The following DNAH3 variants were observed in gnomAD, a reference collection of about 807,000 sequenced individuals.
The protein encoded by DNAH3 is dynein axonemal heavy chain 3, also known as axonemal beta dynein heavy chain 3.
In DNAH3, 332 loss-of-function variants were observed where a neutral mutation model predicts 432.5. The observed-to-expected ratio is 0.77, with a 90% CI of 0.70 to 0.84. The LOEUF (loss-of-function observed/expected upper bound fraction) is 0.84. DNAH3 is among the 40% of genes least tolerant of loss of function. The pLI is 0.00. For synonymous variants in DNAH3, 1,956 were observed against 1,900.2 expected, an observed-to-expected ratio of 1.03 and a Z score of -0.76; for missense variants, 4,861 against 5,114.0, an observed-to-expected ratio of 0.95 and a Z score of 1.51.
chr16:20,989,919 CG>C, intron 44 of DNAH3, among the ~76,000 whole-genome samples: 1 of 152,340 alleles, frequency 6.6e-6, no homozygotes, highest in Admixed American at 6.5e-5. Flanking sequence ...CCGGCAGGGC[CG>C]GCCGGCTGCT....
At chr16:21,030,887 T>C (rs751460764) in intron 37 of DNAH3, among the ~76,000 whole-genome samples, 158 bp downstream of exon 37, 2 of 152,206 alleles carry the variant, frequency 1.3e-5, no homozygotes, top group Non-Finnish European at 2.9e-5. Flanking sequence ...AATTCATGAA[T>C]TGATTACTAT....
At chr16:21,141,406 G>C (rs1345636938) in intron 3 of DNAH3, 34 bp from the exon 5 acceptor site, 1 of 1,507,958 alleles carries the variant, frequency 6.6e-7, no homozygotes, top group Admixed American at 1.9e-5. Flanking sequence ...ATCAGTGATG[G>C]GCAATGGCCT....
rs998353649 is a variant in DNAH3 at position 21,003,303 on chromosome 16, A to C, written c.6023-96T>G. The stretch of plus-strand genomic sequence containing the variant: ...TAAGTCCCTCAGTTATCAGCATATG[A>C]AAATGTGTAACTACCAGTACTGGCA... On this transcript the variant is annotated intron_variant, in intron 41 of 61. Transcript: ENST00000261383. 2.6e-5 allele frequency: 20 copies of C among 764,750 alleles called. No homozygotes were observed. The African/African-American group carries it at 3.5e-4, about 13-fold the overall frequency. The allele number at this position is 764,750 out of a possible 1,614,324, so 47.4% of individuals were successfully genotyped here. A position where few individuals can be genotyped will look rare whatever the true frequency, so the allele number is the denominator to read the frequency against.
intron 38 of DNAH3, among the ~76,000 whole-genome samples, chr16:21,025,990 C>T (rs529049213): frequency 9.9e-5 from 15 of 152,210 alleles, no homozygotes; most frequent in African/African-American, 2.6e-4. Flanking sequence ...CTGCCCGCCT[C>T]GGCCTCCCAA....
intron 41 of DNAH3, among the ~76,000 whole-genome samples, chr16:21,007,353 C>A (rs768800904): frequency 1.5e-4 from 23 of 151,730 alleles, no homozygotes; most frequent in Non-Finnish European, 2.2e-4. Context: ...GGACTACAGG[C>A]AGGCACGCAC....
chr16:21,110,826 G>A (rs529258721), intron 14 of DNAH3, among the ~76,000 whole-genome samples: 6 of 151,892 alleles, frequency 4.0e-5, no homozygotes, highest in Admixed American at 2.0e-4. Flanking sequence ...AGCTATGATC[G>A]CGCCACTACT....
intron 25 of DNAH3, among the ~76,000 whole-genome samples, chr16:21,061,093 C>T (rs2090342930): frequency 6.6e-6 from 1 of 151,674 alleles, no homozygotes; most frequent in African/African-American, 2.4e-5. Context: ...CCTGCCTCAG[C>T]CTCCCAAAGT....
intron 53 of DNAH3, among the ~76,000 whole-genome samples, chr16:20,961,536 A>AAAATG: frequency 6.6e-6 from 1 of 151,730 alleles, no homozygotes; most frequent in East Asian, 1.9e-4. Flanking sequence ...AAAATAAAAT[A>AAAATG]AAATAAAATA....
At chr16:21,057,102 G>A (rs61341842) in intron 27 of DNAH3, among the ~76,000 whole-genome samples, 2 of 152,172 alleles carry the variant, frequency 1.3e-5, no homozygotes, top group African/African-American at 2.4e-5. Context: ...GAAAGGCTGA[G>A]TATGAAGTTT....
chr16:21,151,454 G>A (rs1000677022), intron 1 of DNAH3, among the ~76,000 whole-genome samples: 8 of 151,702 alleles, frequency 5.3e-5, no homozygotes, highest in South Asian at 2.1e-4. Flanking sequence ...CCACCAGTGC[G>A]CCCAGCTAAT....
At chr16:21,059,716 A>T (rs1225080506) in intron 26 of DNAH3, among the ~76,000 whole-genome samples, 1 of 151,628 alleles carries the variant, frequency 6.6e-6, no homozygotes, top group East Asian at 1.9e-4. Context: ...TGGAGGTTGC[A>T]GTGAGCCAAG....
intron 20 of DNAH3, among the ~76,000 whole-genome samples, chr16:21,078,902 C>T (rs908353722): frequency 6.6e-6 from 1 of 152,202 alleles, no homozygotes; most frequent in African/African-American, 2.4e-5. Flanking sequence ...AGTCCCCAGA[C>T]ATGGAATCAG....
At chr16:21,049,536 C>T (rs761250290) in intron 31 of DNAH3, 33 bp downstream of exon 31, 2 of 1,587,790 alleles carry the variant, frequency 1.3e-6, no homozygotes, top group South Asian at 2.2e-5. Flanking sequence ...CCATGCACAG[C>T]TTCTTTGTTC....
At chr16:21,131,493 AGAGAT>A (rs1270796000) in intron 7 of DNAH3, among the ~76,000 whole-genome samples, 32 of 452 alleles carry the variant, frequency 0.071, no homozygotes, top group East Asian at 0.25. Context: ...GAAAAGAAAG[AGAGAT>A]GAGAGAGAAG....
intron 51 of DNAH3, among the ~76,000 whole-genome samples, chr16:20,972,630 C>T (rs534130264): frequency 4.9e-4 from 74 of 152,070 alleles, no homozygotes; most frequent in South Asian, 8.3e-4. Flanking sequence ...CATTATGTGA[C>T]TCTGACAGGG....
intron 12 of DNAH3, among the ~76,000 whole-genome samples, chr16:21,113,294 A>G (rs888695614): frequency 6.6e-6 from 1 of 152,116 alleles, no homozygotes; most frequent in Admixed American, 6.6e-5. Context: ...ATGGTAGTGA[A>G]TAAGTCTGGT....
intron 51 of DNAH3, among the ~76,000 whole-genome samples, chr16:20,970,612 CCT>C (rs762622529): frequency 1.5e-4 from 23 of 152,176 alleles, no homozygotes; most frequent in Admixed American, 5.9e-4. Flanking sequence ...TAAAATTGCC[CCT>C]GAGTCTTAGC....
intron 56 of DNAH3, 65 bp from the exon 57 acceptor site, chr16:20,948,702 T>C (rs2084171028): frequency 1.0e-5 from 16 of 1,558,142 alleles, no homozygotes; most frequent in South Asian, 2.3e-5. Flanking sequence ...TGGTGGTTGA[T>C]GTAAAACACG....
At chr16:21,148,565 T>C (rs2092815788) in intron 1 of DNAH3, among the ~76,000 whole-genome samples, 2 of 152,078 alleles carry the variant, frequency 1.3e-5, no homozygotes, top group African/African-American at 4.8e-5. Context: ...TGCCTCAGCT[T>C]CCTTACTGCA....
Sources: allele counts gnomAD v4.1 joint callset (sites outside exome capture counted in the v4.1 genomes callset), GRCh38; gene constraint gnomAD v4.1.1; transcripts MANE v1.5; gene names NCBI Gene and HGNC (gene_info 2026-07-23, HGNC 2026-07-21).